COL28A1: variants seen among roughly 807,000 people sequenced by gnomAD.
The protein encoded by COL28A1 is collagen alpha-1(XXVIII) chain.
COL28A1 carries 161 observed loss-of-function variants against 150.2 expected under a neutral mutation model. The observed-to-expected ratio is 1.07, with a 90% CI of 0.94 to 1.22. The LOEUF (loss-of-function observed/expected upper bound fraction) is 1.22, where lower values mean the gene tolerates loss of function less well. Ranked by LOEUF, COL28A1 falls within the 50% of genes most tolerant of loss-of-function variation. The probability of loss-of-function intolerance (pLI) is 0.00; values close to 1 mark genes in which losing one functional copy is unlikely to be tolerated. For missense variants in COL28A1, 1,617 were observed against 1,388.3 expected (o/e 1.16, Z -2.62); for synonymous variants, 552 against 469.7 (o/e 1.18, Z -2.26).
chr7:7,500,822 T>C (rs1211130676), intron 11 of COL28A1, among the ~76,000 whole-genome samples: 1 of 152,110 alleles, frequency 6.6e-6, no homozygotes, highest in African/African-American at 2.4e-5. Flanking sequence ...CCTCAGAAAC[T>C]GGGATGGAAG....
At chr7:7,496,797 G>C (rs775670597) in intron 11 of COL28A1, among the ~76,000 whole-genome samples, 1 of 152,060 alleles carries the variant, frequency 6.6e-6, no homozygotes, top group Non-Finnish European at 1.5e-5. Flanking sequence ...AGATGTTTTA[G>C]CAACTTTTAA....
At chr7:7,383,059 A>G (rs1441522668) in intron 27 of COL28A1, among the ~76,000 whole-genome samples, 1 of 152,146 alleles carries the variant, frequency 6.6e-6, no homozygotes, top group Non-Finnish European at 1.5e-5. Context: ...CAAAACAAAA[A>G]TCATATAGAA....
chr7:7,450,295 A>G (rs1247349362), intron 18 of COL28A1, among the ~76,000 whole-genome samples: 1 of 152,212 alleles, frequency 6.6e-6, no homozygotes, highest in East Asian at 1.9e-4. Flanking sequence ...TAAATTTTAA[A>G]AACAAAACAC....
rs561922280 is a variant in COL28A1, at chr7:7,435,885, G to C, written c.1860+510C>G. On this transcript the variant is annotated intron_variant, in intron 23 of 34. Transcript: ENST00000399429. The stretch of plus-strand genomic sequence containing the variant: ...AATGCTATACATGCTGAATTTTGCT[G>C]TGGTGCTGGGTATAGTGTGAGGAGG... Among the ~76,000 whole-genome samples the C allele has an allele frequency of 2.0e-5, 3 of 152,318 alleles. No individual in the cohort carries two copies. In the South Asian group the frequency reaches 6.2e-4, roughly 32 times the overall value.
intron 11 of COL28A1, among the ~76,000 whole-genome samples, chr7:7,494,453 C>A (rs1305505217): frequency 1.3e-5 from 2 of 152,116 alleles, no homozygotes; most frequent in African/African-American, 4.8e-5. Context: ...TTAGCTTTTG[C>A]AAGATCTCCA....
intron 3 of COL28A1, among the ~76,000 whole-genome samples, chr7:7,530,763 G>A (rs537904002): frequency 2.6e-5 from 4 of 152,248 alleles, no homozygotes; most frequent in African/African-American, 7.2e-5. Flanking sequence ...CTTGACTGCA[G>A]GTTGCAGATG....
intron 15 of COL28A1, among the ~76,000 whole-genome samples, chr7:7,464,066 A>G (rs1421288290): frequency 6.6e-6 from 1 of 152,232 alleles, no homozygotes; most frequent in Non-Finnish European, 1.5e-5. Context: ...AAGATAAAGA[A>G]GGTCATTATA....
At chr7:7,420,574 T>C (rs1784341928) in intron 25 of COL28A1, among the ~76,000 whole-genome samples, 1 of 152,266 alleles carries the variant, frequency 6.6e-6, no homozygotes, top group African/African-American at 2.4e-5. Flanking sequence ...CCCAAGACTA[T>C]GCCATGTATG....
chr7:7,462,152 A>T (rs1787683998), intron 15 of COL28A1, among the ~76,000 whole-genome samples: 1 of 152,208 alleles, frequency 6.6e-6, no homozygotes, highest in East Asian at 1.9e-4. Context: ...CTTAGCTGTC[A>T]GGAAGCCACA....
At chr7:7,537,631 A>G (rs190677248), upstream of COL28A1, among the ~76,000 whole-genome samples, 153 of 152,314 alleles carry the variant, frequency 1.0e-3, 1 homozygote, top group African/African-American at 3.5e-3. Flanking sequence ...CAACTACTGC[A>G]TCATTAAGTA....
At chr7:7,442,258 C>T (rs986314823) in intron 20 of COL28A1, among the ~76,000 whole-genome samples, 3 of 152,114 alleles carry the variant, frequency 2.0e-5, no homozygotes, top group Admixed American at 1.3e-4. Context: ...CCTCAGTATC[C>T]CTAACATGCT....
chr7:7,449,992 G>A (rs986375207), intron 18 of COL28A1, among the ~76,000 whole-genome samples: 40 of 152,082 alleles, frequency 2.6e-4, no homozygotes, highest in African/African-American at 9.7e-4. Flanking sequence ...GAAAGAAGAT[G>A]AGAGTATTTT....
intron 25 of COL28A1, among the ~76,000 whole-genome samples, chr7:7,426,256 T>C (rs994416384): frequency 4.6e-5 from 7 of 152,232 alleles, no homozygotes; most frequent in Non-Finnish European, 1.0e-4. Context: ...TGCCTTATGT[T>C]TCTTTCTTTC....
At chr7:7,447,770 T>C (rs1786373049) in intron 18 of COL28A1, among the ~76,000 whole-genome samples, 1 of 152,080 alleles carries the variant, frequency 6.6e-6, no homozygotes, top group Non-Finnish European at 1.5e-5. Context: ...CTAACACATA[T>C]AGCAATAAAA....
chr7:7,367,159 G>C (rs1039733933), intron 33 of COL28A1, among the ~76,000 whole-genome samples: 1 of 152,188 alleles, frequency 6.6e-6, no homozygotes, highest in African/African-American at 2.4e-5. Context: ...ACAGTGATAT[G>C]CTGTGCAGGT....
chr7:7,380,236 A>G (rs1225909173), intron 30 of COL28A1, among the ~76,000 whole-genome samples: 1 of 152,204 alleles, frequency 6.6e-6, no homozygotes, highest in Non-Finnish European at 1.5e-5. Context: ...ATATAACTAT[A>G]ATCTCAATTT....
At position 7,373,761 on chromosome 7, in the gene COL28A1, C is replaced by T. The variant is rs757775494; in HGVS notation, c.2360-215G>A. Among the ~76,000 whole-genome samples, 7 of 150,850 alleles carry T rather than the reference C, an allele frequency of 4.6e-5. No homozygotes were observed. The highest frequency in any genetic ancestry group is 1.2e-4 in the African/African-American group (5 of 41,056). Reference sequence around the variant, plus strand: ...TCGCCCAGGTTGGAGTGCAGTGGCGCGATCTCGGCTCACTGCAGGCTCCGT... The same window carrying T: ...TCGCCCAGGTTGGAGTGCAGTGGCGTGATCTCGGCTCACTGCAGGCTCCGT... On this transcript the variant is annotated intron_variant, in intron 31 of 34. Transcript: ENST00000399429. This position sits in a 1 kb window ranked among gnomAD's most constrained non-coding sequence, Gnocchi z 4.1.
At position 7,453,525 on chromosome 7, in the gene COL28A1, T is replaced by C. The variant is rs1239393218; in HGVS notation, c.1372-17A>G. ...TTGGATTCCCTTTAAAATAAAATTT[T>C]ATAAAATAGTGTTAGTGAAATGAAG... On this transcript the variant is annotated splice_polypyrimidine_tract_variant and intron_variant, in intron 16 of 34. Transcript: ENST00000399429. The C allele has an allele frequency of 2.1e-6, 2 of 934,366 alleles. No individual in the cohort carries two copies. The highest frequency in any genetic ancestry group is 3.5e-6 in the Non-Finnish European group (2 of 569,174). 57.9% of individuals were successfully genotyped at this position (934,366 alleles called of 1,614,324 possible).
intron 18 of COL28A1, among the ~76,000 whole-genome samples, chr7:7,448,884 T>C (rs1786472760): frequency 6.6e-6 from 1 of 151,908 alleles, no homozygotes. Flanking sequence ...ATCTAGAAAA[T>C]GCAAACTAGT....
Sources: gnomAD v4.1 joint callset for allele counts (sites outside exome capture counted in the v4.1 genomes callset) on GRCh38, gnomAD v4.1.1 for gene constraint, Gnocchi (gnomAD v3.1) non-coding constraint, MANE v1.5 for transcripts, NCBI Gene and HGNC (gene_info 2026-07-23, HGNC 2026-07-21) for gene names.